Variants in UBR3 observed in about 807,000 individuals in gnomAD.
The protein encoded by UBR3 is E3 ubiquitin-protein ligase UBR3.
In UBR3, 85 loss-of-function variants were observed where a neutral mutation model predicts 243.2. That is an observed-to-expected ratio of 0.35 (90% confidence interval 0.29 to 0.42). UBR3 has a LOEUF of 0.42. UBR3 is among the 10% of genes least tolerant of loss of function. The pLI, the probability that UBR3 is intolerant of heterozygous loss-of-function variation, is 1.00. For missense variants in UBR3, 1,686 were observed against 2,300.8 expected (o/e 0.73, Z 5.47); for synonymous variants, 748 against 799.8 (o/e 0.94, Z 1.09).
chr2:170,015,531 A>G (rs1412512148), intron 30 of UBR3, among the ~76,000 whole-genome samples, 165 bp downstream of exon 30: 2 of 151,960 alleles, frequency 1.3e-5, no homozygotes, highest in Admixed American at 6.6e-5. Context: ...GAAGAATCAT[A>G]TGGATATTTA....
rs74461902 is a variant in UBR3, at chr2:169,959,932, A to G, written c.3634+1406A>G. Among the ~76,000 whole-genome samples the G allele has an allele frequency of 2.2e-4, 34 of 152,302 alleles. No homozygotes were observed. The East Asian group carries it at 5.6e-3, about 25-fold the overall frequency. ...CTTGTGATGGGTTGCAGTCAAAACT[A>G]TATTTCATTTACAAAATTATTTAAA... On this transcript the variant is annotated intron_variant, in intron 24 of 38. Coordinates refer to ENST00000272793, the MANE Select transcript of UBR3 (RefSeq NM_172070.4).
At chr2:170,033,514 G>A (rs1396895214) in intron 31 of UBR3, among the ~76,000 whole-genome samples, 1 of 141,726 alleles carries the variant, frequency 7.1e-6, no homozygotes. Context: ...AACTATCATT[G>A]TATGCTTCTT....
At chr2:169,963,521 G>GT (rs1056414388) in intron 24 of UBR3, among the ~76,000 whole-genome samples, 1 of 151,790 alleles carries the variant, frequency 6.6e-6, no homozygotes, top group African/African-American at 2.4e-5. Context: ...TTCAGTAGGA[G>GT]TTTTTTAAAA....
chr2:169,908,432 C>G (rs1335927542), intron 10 of UBR3, among the ~76,000 whole-genome samples: 3 of 152,168 alleles, frequency 2.0e-5, no homozygotes, highest in African/African-American at 7.2e-5. Context: ...TGTTTAATTT[C>G]CACTGTAGCA....
At position 169,983,796 on chromosome 2, in the gene UBR3, A is replaced by T. The variant is rs146297510; in HGVS notation, c.3635-2849A>T. 1.2e-4 allele frequency among the ~76,000 whole-genome samples: 19 copies of T among 152,352 alleles called. No individual in the cohort carries two copies. The East Asian group carries it at 3.7e-3, about 29-fold the overall frequency. Reference sequence around the variant, plus strand: ...CTGTTCATGTAAAACCAAACAGATAAATTAACTATTGCTTTAGTTATCTTT... The same window carrying T: ...CTGTTCATGTAAAACCAAACAGATATATTAACTATTGCTTTAGTTATCTTT... On this transcript the variant is annotated intron_variant, in intron 24 of 38. Transcript: ENST00000272793.
Position 169,933,799 on chromosome 2 carries a change from CA to C in UBR3, c.2663+794del, listed in dbSNP as rs1457831322. Among the ~76,000 whole-genome samples, 15 of 152,216 alleles carry C rather than the reference CA, an allele frequency of 9.9e-5. No individual in the cohort carries two copies. The East Asian group carries it at 2.9e-3, about 29-fold the overall frequency. On this transcript the variant is annotated intron_variant, in intron 19 of 38. Transcript: ENST00000272793. ...CAGTAATAGAAATATCTATCACAGA[CA>C]AATATCTGAAGAAAATTTTTAATGT...
At chr2:169,845,551 C>CT (rs1385065518) in intron 1 of UBR3, among the ~76,000 whole-genome samples, 1 of 129,748 alleles carries the variant, frequency 7.7e-6, no homozygotes, top group South Asian at 2.7e-4. Context: ...TCTTCTTCTT[C>CT]TTTCTTCTTC....
At chr2:169,936,633 T>G (rs989331819) in intron 19 of UBR3, among the ~76,000 whole-genome samples, 3 of 152,066 alleles carry the variant, frequency 2.0e-5, no homozygotes, top group Non-Finnish European at 2.9e-5. Flanking sequence ...TAACTCGTCA[T>G]TTACATTAGG....
chr2:169,934,506 G>A (rs2086251911), intron 19 of UBR3, among the ~76,000 whole-genome samples: 1 of 152,096 alleles, frequency 6.6e-6, no homozygotes, highest in African/African-American at 2.4e-5. Flanking sequence ...AAAGTGTTGG[G>A]ATTACACACA....
At chr2:169,974,206 C>T (rs2088313987) in intron 24 of UBR3, among the ~76,000 whole-genome samples, 1 of 151,974 alleles carries the variant, frequency 6.6e-6, no homozygotes, top group Admixed American at 6.6e-5. Context: ...CAGAATAATT[C>T]CCTTCTTATT....
intron 8 of UBR3, among the ~76,000 whole-genome samples, chr2:169,904,481 G>T (rs760113816): frequency 6.6e-6 from 1 of 151,994 alleles, no homozygotes; most frequent in Non-Finnish European, 1.5e-5. Flanking sequence ...TAATGATAAA[G>T]ATTTCGTACA....
chr2:169,963,614 A>T (rs2087677916), intron 24 of UBR3, among the ~76,000 whole-genome samples: 1 of 152,128 alleles, frequency 6.6e-6, no homozygotes, highest in African/African-American at 2.4e-5. Context: ...TATAAAGTTA[A>T]TTTTTTATAA....
At chr2:170,018,244 G>GTTTGTT (rs1351910703) in intron 30 of UBR3, among the ~76,000 whole-genome samples, 2 of 151,898 alleles carry the variant, frequency 1.3e-5, no homozygotes, top group East Asian at 1.9e-4. Context: ...TTTTTTGTTT[G>GTTTGTT]TTTGTTTTTG....
intron 29 of UBR3, among the ~76,000 whole-genome samples, chr2:170,010,480 TG>T (rs2090050314): frequency 6.6e-6 from 1 of 152,224 alleles, no homozygotes; most frequent in Non-Finnish European, 1.5e-5. Flanking sequence ...TCCTGTAGTA[TG>T]ATAAATCAAA....
chr2:170,079,134 T>C (rs2091863707), intron 36 of UBR3, among the ~76,000 whole-genome samples: 1 of 152,222 alleles, frequency 6.6e-6, no homozygotes, highest in African/African-American at 2.4e-5. Flanking sequence ...GAGTAGCATC[T>C]AGAAAAATTT....
chr2:169,974,143 A>G (rs1488154890), intron 24 of UBR3, among the ~76,000 whole-genome samples: 1 of 151,866 alleles, frequency 6.6e-6, no homozygotes, highest in African/African-American at 2.4e-5. Flanking sequence ...TTTTTTTGTT[A>G]TGTCTTTGTC....
At chr2:169,984,238 T>C (rs2105386407) in intron 24 of UBR3, among the ~76,000 whole-genome samples, 1 of 152,318 alleles carries the variant, frequency 6.6e-6, no homozygotes, top group East Asian at 1.9e-4. Flanking sequence ...GTAGGGGTTT[T>C]TAAAAGAAAC....
chr2:170,029,264 G>T, intron 30 of UBR3, 82 bp from the exon 31 acceptor site: 1 of 1,125,044 alleles, frequency 8.9e-7, no homozygotes, highest in South Asian at 1.6e-5. Context: ...ATTTCCTTAT[G>T]AAATAACTAG....
At chr2:169,836,067 A>ATATATT (rs1558999159) in intron 1 of UBR3, among the ~76,000 whole-genome samples, 26 of 32,660 alleles carry the variant, frequency 8.0e-4, no homozygotes, top group Non-Finnish European at 9.2e-4. Flanking sequence ...ATATATATAT[A>ATATATT]TTTTTTTTTT....
Sources: gnomAD v4.1 joint callset for allele counts (sites outside exome capture counted in the v4.1 genomes callset) on GRCh38, gnomAD v4.1.1 for gene constraint, MANE v1.5 for transcripts, NCBI Gene and HGNC (gene_info 2026-07-23, HGNC 2026-07-21) for gene names.